Variants in AHCYL2 observed in about 807,000 individuals in gnomAD.
AHCYL2 encodes S-adenosylhomocysteine hydrolase-like protein 2.
Under a neutral mutation model 81.4 loss-of-function variants are expected in AHCYL2, and 28 were observed. The ratio of observed to expected loss-of-function variants is 0.34; its 90% CI spans 0.25 to 0.47. AHCYL2 has a LOEUF of 0.47. Ranked by LOEUF, AHCYL2 falls within the 20% of genes least tolerant of loss-of-function variation. The probability of loss-of-function intolerance (pLI) is 1.00; values close to 1 mark genes in which losing one functional copy is unlikely to be tolerated. For synonymous variants in AHCYL2, 272 were observed against 290.2 expected (o/e 0.94, Z 0.64); for missense variants, 551 against 785.1 (o/e 0.70, Z 3.56).
intron 1 of AHCYL2, among the ~76,000 whole-genome samples, chr7:129,247,478 T>A (rs1031881292): frequency 6.6e-6 from 1 of 152,250 alleles, no homozygotes; most frequent in African/African-American, 2.4e-5. Context: ...TTTTCAGATA[T>A]GTGATTTGCA....
Position 129,426,595 on chromosome 7 carries a change from C to T in AHCYL2, c.1829+32C>T. ...TGGGCTCCCCAGAAATCAGGGACAC[C>T]TGGGCAGTGATGAGCTTCCTGCACT... On this transcript the variant is annotated intron_variant, in intron 16 of 16. Transcript: ENST00000325006. The surrounding 1 kb of genome is among the most constrained non-coding windows in gnomAD (Gnocchi z 4.3). The T allele has an allele frequency of 6.2e-7, 1 of 1,606,502 alleles. No individual in the cohort carries two copies. Among genetic ancestry groups the T allele is most frequent in the Non-Finnish European group, 8.5e-7 (1 of 1,176,460 alleles).
chr7:129,384,634 G>T (rs1425372632), intron 2 of AHCYL2, among the ~76,000 whole-genome samples: 2 of 152,088 alleles, frequency 1.3e-5, no homozygotes, highest in Non-Finnish European at 2.9e-5. Flanking sequence ...GCTTACATAG[G>T]CTCTAGCCTC....
At chr7:129,318,415 A>G (rs1471838445) in intron 1 of AHCYL2, among the ~76,000 whole-genome samples, 1 of 152,204 alleles carries the variant, frequency 6.6e-6, no homozygotes, top group Non-Finnish European at 1.5e-5. Context: ...AATTTTGGTA[A>G]AAAGCTTGAA....
At chr7:129,356,157 A>G (rs574415124) in intron 1 of AHCYL2, among the ~76,000 whole-genome samples, 2 of 152,136 alleles carry the variant, frequency 1.3e-5, no homozygotes, top group African/African-American at 4.8e-5. Context: ...CTTCTTTTTC[A>G]TTAATATAGT....
intron 1 of AHCYL2, among the ~76,000 whole-genome samples, chr7:129,260,874 C>T (rs572959322): frequency 4.6e-5 from 7 of 152,242 alleles, no homozygotes; most frequent in South Asian, 2.1e-4. Flanking sequence ...CTGCAACCTC[C>T]GCCTCCTGGG....
intron 5 of AHCYL2, among the ~76,000 whole-genome samples, chr7:129,399,760 C>T (rs62479481): frequency 0.19 from 28,371 of 146,396 alleles, 3,612 homozygotes; most frequent in Non-Finnish European, 0.27. Context: ...AGAGTCACGC[C>T]CTGTCGCCCA....
intron 2 of AHCYL2, 93 bp from the exon 3 acceptor site, chr7:129,388,963 A>T: frequency 6.8e-7 from 1 of 1,476,460 alleles, no homozygotes; most frequent in South Asian, 1.3e-5. Context: ...ATATGGTGCT[A>T]GGTGGCTAGA....
chr7:129,338,704 C>T (rs1050821147), intron 1 of AHCYL2, among the ~76,000 whole-genome samples: 3 of 152,128 alleles, frequency 2.0e-5, no homozygotes, highest in South Asian at 2.1e-4. Context: ...ACATGCTCTG[C>T]GTACTTGCCT....
At chr7:129,239,834 C>T (rs1056033748) in intron 1 of AHCYL2, among the ~76,000 whole-genome samples, 1 of 151,792 alleles carries the variant, frequency 6.6e-6, no homozygotes, top group African/African-American at 2.4e-5. Flanking sequence ...CACAGAGACA[C>T]TTCCCCCATA....
chr7:129,366,776 C>CAA (rs59464433), intron 1 of AHCYL2, among the ~76,000 whole-genome samples: 3,314 of 138,214 alleles, frequency 0.024, 124 homozygotes, highest in African/African-American at 0.075. Flanking sequence ...AACTCTGTCT[C>CAA]AAAAAAAAAA....
At chr7:129,264,089 T>G (rs1368480572) in intron 1 of AHCYL2, among the ~76,000 whole-genome samples, 2 of 152,212 alleles carry the variant, frequency 1.3e-5, no homozygotes, top group East Asian at 3.8e-4. Context: ...TGGCGCCATC[T>G]CGGCTCACTG....
At chr7:129,287,262 CCCTCCAGGGATA>C (rs1251415584) in intron 1 of AHCYL2, among the ~76,000 whole-genome samples, 4 of 152,290 alleles carry the variant, frequency 2.6e-5, no homozygotes, top group African/African-American at 9.6e-5. Flanking sequence ...CTCAAGCACC[CCCTCCAGGGATA>C]CCTCAAGTAG....
intron 11 of AHCYL2, among the ~76,000 whole-genome samples, 161 bp from the exon 12 acceptor site, chr7:129,413,433 G>T (rs575481830): frequency 6.6e-6 from 1 of 151,442 alleles, no homozygotes; most frequent in African/African-American, 2.4e-5. Context: ...GAGCCACCGC[G>T]CCTGGCCTGG....
chr7:129,254,068 G>A (rs567328967), intron 1 of AHCYL2, among the ~76,000 whole-genome samples: 29 of 152,274 alleles, frequency 1.9e-4, no homozygotes, highest in African/African-American at 6.7e-4. Context: ...AAGAATTCAA[G>A]TTCAGTTTTT....
Position 129,426,610 on chromosome 7 carries a change from C to T in AHCYL2, c.1829+47C>T. The T allele has an allele frequency of 6.3e-7, 1 of 1,589,616 alleles. No homozygotes were observed. Among genetic ancestry groups the T allele is most frequent in the Non-Finnish European group, 8.5e-7 (1 of 1,169,940 alleles). The stretch of plus-strand genomic sequence containing the variant: ...TCAGGGACACCTGGGCAGTGATGAG[C>T]TTCCTGCACTGGAATTGGTCTTTGC... On this transcript the variant is annotated intron_variant, in intron 16 of 16. Coordinates refer to ENST00000325006, the MANE Select transcript of AHCYL2 (RefSeq NM_015328.4). The surrounding 1 kb of genome is among the most constrained non-coding windows in gnomAD (Gnocchi z 4.3).
intron 12 of AHCYL2, among the ~76,000 whole-genome samples, chr7:129,418,781 C>A (rs536240656): frequency 6.6e-6 from 1 of 152,226 alleles, no homozygotes; most frequent in East Asian, 1.9e-4. Context: ...ATAAAGAAAA[C>A]CCTCTGGAGC....
chr7:129,393,963 G>A (rs1563230894), intron 4 of AHCYL2, among the ~76,000 whole-genome samples: 1 of 152,072 alleles, frequency 6.6e-6, no homozygotes, highest in Non-Finnish European at 1.5e-5. Flanking sequence ...TTTTCTGCCA[G>A]TCTTCTTCTT....
chr7:129,291,426 T>C (rs1796856865), intron 1 of AHCYL2, among the ~76,000 whole-genome samples: 1 of 151,864 alleles, frequency 6.6e-6, no homozygotes, highest in Admixed American at 6.6e-5. Flanking sequence ...GGCATACAAC[T>C]AGTGAATATT....
At chr7:129,375,972 T>A (rs1223455229) in intron 1 of AHCYL2, 1 of 1,535,460 alleles carries the variant, frequency 6.5e-7, no homozygotes, top group Non-Finnish European at 8.7e-7. Flanking sequence ...GCTATAGCCA[T>A]TATTGTAAAA....
Sources: allele counts gnomAD v4.1 joint callset (sites outside exome capture counted in the v4.1 genomes callset), GRCh38; gene constraint gnomAD v4.1.1; non-coding constraint Gnocchi (gnomAD v3.1); transcripts MANE v1.5; gene names NCBI Gene and HGNC (gene_info 2026-07-23, HGNC 2026-07-21).